Variants in CASD1 observed in about 807,000 individuals in gnomAD.
The protein encoded by CASD1 is N-acetylneuraminate (7)9-O-acetyltransferase.
CASD1 carries 41 observed loss-of-function variants against 100.0 expected under a neutral mutation model. The ratio of observed to expected loss-of-function variants is 0.41; its 90% CI spans 0.32 to 0.53. The LOEUF (loss-of-function observed/expected upper bound fraction) is 0.53. Among genes scored for constraint, CASD1 ranks in the 20% least tolerant of loss-of-function variants. CASD1 has a pLI of 0.25. For missense variants in CASD1, 774 were observed against 948.7 expected (o/e 0.82, Z 2.42); for synonymous variants, 321 against 315.6 (o/e 1.02, Z -0.18).
At chr7:94,525,330 T>G (rs1204539705) in intron 3 of CASD1, among the ~76,000 whole-genome samples, 2 of 152,140 alleles carry the variant, frequency 1.3e-5, no homozygotes, top group Non-Finnish European at 2.9e-5. Flanking sequence ...AAAGAAAGTT[T>G]TTAAAACAAA....
At chr7:94,530,029 T>G (rs1794771217) in intron 5 of CASD1, among the ~76,000 whole-genome samples, 1 of 152,136 alleles carries the variant, frequency 6.6e-6, no homozygotes. Flanking sequence ...GTTGATACAC[T>G]GGTTAACGTT....
At chr7:94,633,273 C>T in the CASD1 span, among the ~76,000 whole-genome samples, 2 of 151,928 alleles carry the variant, frequency 1.3e-5, no homozygotes, top group African/African-American at 2.4e-5. Context: ...AAAAGTCCAA[C>T]CCGCAAGAGG....
the CASD1 span, among the ~76,000 whole-genome samples, chr7:94,609,247 C>G: frequency 6.6e-6 from 1 of 152,244 alleles, no homozygotes; most frequent in Admixed American, 6.5e-5. Flanking sequence ...GGGCCAGAGG[C>G]CAGATGCAGT....
chr7:94,618,540 A>G, the CASD1 span: 2 of 532,546 alleles, frequency 3.8e-6, no homozygotes, highest in South Asian at 4.7e-5. Flanking sequence ...ATCCTCATCT[A>G]CAATTAGATT....
the CASD1 span, among the ~76,000 whole-genome samples, chr7:94,574,693 G>A: frequency 6.6e-5 from 10 of 151,726 alleles, no homozygotes; most frequent in Middle Eastern, 3.4e-3. Flanking sequence ...TTCCTGAGCC[G>A]GGTGTGGTGG....
chr7:94,568,247 T>C, the CASD1 span, among the ~76,000 whole-genome samples: 8 of 152,284 alleles, frequency 5.3e-5, no homozygotes, highest in Admixed American at 3.3e-4. Context: ...GAATTTAGTA[T>C]ATGCTATAGG....
the CASD1 span, among the ~76,000 whole-genome samples, chr7:94,632,891 A>T: frequency 2.0e-5 from 3 of 152,098 alleles, no homozygotes; most frequent in Admixed American, 2.0e-4. Flanking sequence ...CCACTCCAAC[A>T]CCTACAGAGG....
the CASD1 span, among the ~76,000 whole-genome samples, chr7:94,615,661 T>C: frequency 6.6e-6 from 1 of 152,204 alleles, no homozygotes; most frequent in Non-Finnish European, 1.5e-5. Flanking sequence ...TGATTGAAAC[T>C]GGATCCACAT....
chr7:94,612,316 A>C, the CASD1 span, among the ~76,000 whole-genome samples: 1 of 152,324 alleles, frequency 6.6e-6, no homozygotes, highest in South Asian at 2.1e-4. Flanking sequence ...AGGTATAAAA[A>C]CAAAACTCAT....
At chr7:94,563,414 A>G in the CASD1 span, among the ~76,000 whole-genome samples, 1 of 152,154 alleles carries the variant, frequency 6.6e-6, no homozygotes, top group Non-Finnish European at 1.5e-5. Flanking sequence ...TAGAGAATGA[A>G]GCCATAACTA....
intron 16 of CASD1, chr7:94,553,980 C>A (rs542297584): frequency 6.6e-6 from 1 of 152,080 alleles, no homozygotes; most frequent in Non-Finnish European, 1.5e-5. Context: ...TAGTTCAAGA[C>A]ATCATTCGCC....
the CASD1 span, chr7:94,618,168 C>T: frequency 6.6e-6 from 1 of 152,560 alleles, no homozygotes; most frequent in Non-Finnish European, 1.5e-5. Context: ...TGCATTATCT[C>T]ACTTAATCAT....
At chr7:94,574,319 G>A in the CASD1 span, among the ~76,000 whole-genome samples, 3 of 152,160 alleles carry the variant, frequency 2.0e-5, no homozygotes, top group Non-Finnish European at 4.4e-5. Context: ...GCTCTTCTTT[G>A]TACATCTGGT....
chr7:94,585,642 T>C, the CASD1 span: 1 of 700,846 alleles, frequency 1.4e-6, no homozygotes, highest in Non-Finnish European at 2.6e-6. Flanking sequence ...AATAATTACA[T>C]TGCATTATTT....
downstream of CASD1, among the ~76,000 whole-genome samples, chr7:94,558,089 G>A (rs1796265787): frequency 6.6e-6 from 1 of 152,134 alleles, no homozygotes; most frequent in African/African-American, 2.4e-5. Context: ...AAAGGTACTT[G>A]CTTGACTGAA....
chr7:94,562,976 A>G, the CASD1 span, among the ~76,000 whole-genome samples: 2 of 152,108 alleles, frequency 1.3e-5, no homozygotes, highest in Non-Finnish European at 2.9e-5. Context: ...GGCCCTTCAG[A>G]AAAATAAGAG....
Position 94,551,350 on chromosome 7 carries a change from G to A in CASD1, c.1828G>A (p.Gly610Arg), listed in dbSNP as rs762425157. The stretch of plus-strand genomic sequence containing the variant: ...CTTTACTTTTCAGGTAGTTTTCCAC[G>A]GAATGCTGTTTGCTTTTATTTATCT... Reference protein sequence around the residue: ...WRLDRYVVFHGMLFAFIYLAL... With the variant: ...WRLDRYVVFHRMLFAFIYLAL... The change falls in exon 15 of 18, where the codon GGA becomes AGA. Residue 610 changes from glycine to arginine, a missense_variant. Physicochemically the swap from Gly to Arg is moderately radical, Grantham distance 125 (BLOSUM62 -2). Transcript: ENST00000297273. 1.3e-6 allele frequency: 2 copies of A among 1,536,340 alleles called. No homozygotes were observed. Among genetic ancestry groups the A allele is most frequent in the East Asian group, 2.5e-5 (1 of 39,272 alleles).
the CASD1 span, among the ~76,000 whole-genome samples, chr7:94,576,004 G>A: frequency 3.9e-5 from 6 of 152,134 alleles, no homozygotes; most frequent in African/African-American, 1.4e-4. Flanking sequence ...GCTCTTGAAT[G>A]CGTAATGTTT....
the CASD1 span, among the ~76,000 whole-genome samples, chr7:94,581,599 A>G: frequency 4.3e-3 from 649 of 152,162 alleles, 1 homozygote; most frequent in African/African-American, 0.015. Context: ...CTCATTATTT[A>G]GCTCTCACTT....
Sources: gnomAD v4.1 joint callset for allele counts (sites outside exome capture counted in the v4.1 genomes callset) on GRCh38, gnomAD v4.1.1 for gene constraint, MANE v1.5 for transcripts, NCBI Gene and HGNC (gene_info 2026-07-23, HGNC 2026-07-21) for gene names.